The following DCT variants were observed in gnomAD, a reference collection of about 807,000 sequenced individuals.
DCT encodes L-dopachrome tautomerase.
In DCT, 47 loss-of-function variants were observed where a neutral mutation model predicts 53.0. The observed-to-expected ratio is 0.89, with a 90% confidence interval of 0.70 to 1.13. The LOEUF is 1.13. DCT is among the 50% of genes most tolerant of loss of function. DCT has a pLI of 0.00. For missense variants in DCT, 669 were observed against 637.4 expected, an observed-to-expected ratio of 1.05 and a Z score of -0.53; for synonymous variants, 244 against 237.0, an observed-to-expected ratio of 1.03 and a Z score of -0.27.
At chr13:94,514,900 G>T in the DCT span, among the ~76,000 whole-genome samples, 1 of 152,168 alleles carries the variant, frequency 6.6e-6, no homozygotes, top group Non-Finnish European at 1.5e-5. Flanking sequence ...CTGAATGTTT[G>T]TACCCCCTAC....
At chr13:94,549,232 TAC>T in the DCT span, among the ~76,000 whole-genome samples, 1 of 152,238 alleles carries the variant, frequency 6.6e-6, no homozygotes, top group Non-Finnish European at 1.5e-5. Context: ...CAAATTCGGA[TAC>T]TTAGAAGGAA....
At chr13:94,444,061 G>A (rs1482413382) in intron 6 of DCT, among the ~76,000 whole-genome samples, 1 of 152,124 alleles carries the variant, frequency 6.6e-6, no homozygotes, top group Non-Finnish European at 1.5e-5. Flanking sequence ...GAGATGATTT[G>A]GTTTAACAGG....
chr13:94,508,683 G>A, the DCT span, among the ~76,000 whole-genome samples: 2 of 152,150 alleles, frequency 1.3e-5, no homozygotes, highest in African/African-American at 2.4e-5. Context: ...AGGGGGATTC[G>A]AATTGTTGTG....
the DCT span, among the ~76,000 whole-genome samples, chr13:94,517,586 T>C: frequency 1.3e-5 from 2 of 152,200 alleles, no homozygotes; most frequent in African/African-American, 4.8e-5. Flanking sequence ...CCTGTAAATG[T>C]TGCCTTGTAT....
the DCT span, among the ~76,000 whole-genome samples, chr13:94,497,829 A>C: frequency 6.6e-6 from 1 of 152,176 alleles, no homozygotes; most frequent in African/African-American, 2.4e-5. Context: ...CTCCATGTAC[A>C]AATGGACCTG....
At chr13:94,525,629 G>T in the DCT span, among the ~76,000 whole-genome samples, 21 of 152,268 alleles carry the variant, frequency 1.4e-4, no homozygotes, top group Non-Finnish European at 1.5e-4. Context: ...AGTGGATTGT[G>T]TCATATTAAA....
chr13:94,455,585 T>C (rs1043570833), intron 6 of DCT, among the ~76,000 whole-genome samples: 5 of 152,208 alleles, frequency 3.3e-5, no homozygotes, highest in African/African-American at 1.2e-4. Flanking sequence ...GCTGATTTCA[T>C]GATACAGGGG....
chr13:94,541,927 C>T, the DCT span, among the ~76,000 whole-genome samples: 1 of 152,080 alleles, frequency 6.6e-6, no homozygotes, highest in Admixed American at 6.5e-5. Context: ...GAGGCAGGAC[C>T]ATGGATTTTA....
chr13:94,471,893 C>T (rs117408713), intron 1 of DCT, among the ~76,000 whole-genome samples: 2 of 152,126 alleles, frequency 1.3e-5, no homozygotes, highest in East Asian at 1.9e-4. Flanking sequence ...CCCTGGTTTG[C>T]GGATGTTGCT....
intron 6 of DCT, among the ~76,000 whole-genome samples, chr13:94,447,184 A>G (rs893491230): frequency 1.3e-5 from 2 of 152,094 alleles, no homozygotes; most frequent in African/African-American, 4.8e-5. Context: ...CACATACTCT[A>G]CTTCCTCTAC....
At chr13:94,467,829 A>G (rs184999097) in intron 2 of DCT, 1 of 152,218 alleles carries the variant, frequency 6.6e-6, no homozygotes, top group Admixed American at 6.5e-5. Flanking sequence ...TCCTGACCCC[A>G]ATGAAGGACC....
the DCT span, among the ~76,000 whole-genome samples, chr13:94,546,507 C>A: frequency 6.6e-6 from 1 of 152,096 alleles, no homozygotes; most frequent in Non-Finnish European, 1.5e-5. The surrounding 1 kb of genome is among the most constrained non-coding windows in gnomAD (Gnocchi z 4.2). Flanking sequence ...TGGTACTAAC[C>A]AGGTGTGCGC....
intron 6 of DCT, among the ~76,000 whole-genome samples, chr13:94,455,716 G>C (rs1883370183): frequency 6.6e-6 from 1 of 152,184 alleles, no homozygotes; most frequent in Admixed American, 6.5e-5. Context: ...TTCAAAAGAA[G>C]GAGATACGGT....
intron 1 of DCT, among the ~76,000 whole-genome samples, chr13:94,472,157 A>T (rs902928657): frequency 6.6e-6 from 1 of 152,174 alleles, no homozygotes; most frequent in African/African-American, 2.4e-5. Context: ...GAATTTGAAG[A>T]CTACTCTTAT....
intron 7 of DCT, among the ~76,000 whole-genome samples, chr13:94,441,319 C>T (rs1259907953): frequency 6.6e-6 from 1 of 152,164 alleles, no homozygotes; most frequent in East Asian, 1.9e-4. Context: ...TCCAAATCCT[C>T]TTAGTTTTTT....
At chr13:94,455,381 TAGAGAGAG>T (rs56301019) in intron 6 of DCT, among the ~76,000 whole-genome samples, 12 of 141,648 alleles carry the variant, frequency 8.5e-5, no homozygotes, top group African/African-American at 2.2e-4. Context: ...GACTGTCTCT[TAGAGAGAG>T]AGAGAGAGAG....
At chr13:94,509,324 C>T in the DCT span, among the ~76,000 whole-genome samples, 2 of 152,060 alleles carry the variant, frequency 1.3e-5, no homozygotes, top group East Asian at 3.9e-4. Flanking sequence ...TCCTGGGTCC[C>T]CATCTCCTGG....
chr13:94,481,253 C>CT (rs1566871841), upstream of DCT, among the ~76,000 whole-genome samples: 2 of 152,196 alleles, frequency 1.3e-5, no homozygotes, highest in African/African-American at 4.8e-5. Flanking sequence ...AAAGAAGACT[C>CT]TTTTTTCCAG....
intron 4 of DCT, among the ~76,000 whole-genome samples, chr13:94,464,275 G>A (rs1594303503): frequency 6.6e-6 from 1 of 152,228 alleles, no homozygotes; most frequent in South Asian, 2.1e-4. Flanking sequence ...GGGGCCGGGG[G>A]AGCCACAGCT....
Sources: allele counts gnomAD v4.1 joint callset (sites outside exome capture counted in the v4.1 genomes callset), GRCh38; gene constraint gnomAD v4.1.1; non-coding constraint Gnocchi (gnomAD v3.1); transcripts MANE v1.5; gene names NCBI Gene and HGNC (gene_info 2026-07-23, HGNC 2026-07-21).